PHACTR4: variants seen among roughly 807,000 people sequenced by gnomAD.
PHACTR4 encodes the protein protein phosphatase 1, regulatory subunit 124.
A neutral mutation model predicts 72.7 loss-of-function variants in PHACTR4; 51 were observed. The observed-to-expected ratio is 0.70, with a 90% confidence interval of 0.56 to 0.89. The LOEUF (loss-of-function observed/expected upper bound fraction) is 0.89, where lower values mean the gene tolerates loss of function less well. Among genes scored for constraint, PHACTR4 ranks in the 40% least tolerant of loss-of-function variants. The pLI, the probability that PHACTR4 is intolerant of heterozygous loss-of-function variation, is 0.00. For synonymous variants in PHACTR4, 255 were observed against 302.5 expected (o/e 0.84, Z 1.63); for missense variants, 731 against 861.8 (o/e 0.85, Z 1.90).
intron 1 of PHACTR4, among the ~76,000 whole-genome samples, chr1:28,395,385 T>C (rs1048228059): frequency 5.3e-5 from 8 of 152,174 alleles, no homozygotes; most frequent in Non-Finnish European, 8.8e-5. Flanking sequence ...ATTAATGTCC[T>C]TTATAACTCA....
intron 1 of PHACTR4, among the ~76,000 whole-genome samples, chr1:28,379,208 G>A (rs762752946): frequency 6.6e-6 from 1 of 151,874 alleles, no homozygotes; most frequent in Non-Finnish European, 1.5e-5. Context: ...TCCTGCCTGG[G>A]CCTCCCAAAG....
chr1:28,387,306 C>G (rs1469084625), intron 1 of PHACTR4, among the ~76,000 whole-genome samples: 1 of 151,828 alleles, frequency 6.6e-6, no homozygotes, highest in Non-Finnish European at 1.5e-5. Flanking sequence ...AGTTTTCCCC[C>G]TCCTCCAGTG....
chr1:28,434,377 A>G (rs1479887542), intron 2 of PHACTR4, among the ~76,000 whole-genome samples: 1 of 150,114 alleles, frequency 6.7e-6, no homozygotes, highest in Non-Finnish European at 1.5e-5. Flanking sequence ...GCTGGAATGC[A>G]GTAGCGCTAT....
At chr1:28,460,601 T>A (rs34918302) in intron 4 of PHACTR4, among the ~76,000 whole-genome samples, 15,777 of 152,002 alleles carry the variant, frequency 0.1, 1,893 homozygotes, top group African/African-American at 0.3. Flanking sequence ...CTCTGCCTCC[T>A]GGGTTCAAGC....
intron 1 of PHACTR4, among the ~76,000 whole-genome samples, chr1:28,378,482 GAC>G (rs1471731310): frequency 6.6e-6 from 1 of 151,444 alleles, no homozygotes; most frequent in East Asian, 1.9e-4. Context: ...CAGCCTGGGT[GAC>G]AGAGTGAGAC....
At chr1:28,427,172 T>C (rs183525100) in intron 2 of PHACTR4, among the ~76,000 whole-genome samples, 154 of 152,342 alleles carry the variant, frequency 1.0e-3, no homozygotes, top group African/African-American at 3.3e-3. Context: ...GTAATTCTTA[T>C]TTACTTTTAG....
At chr1:28,486,995 A>G (rs1660686796) in intron 9 of PHACTR4, among the ~76,000 whole-genome samples, 2 of 152,062 alleles carry the variant, frequency 1.3e-5, no homozygotes, top group East Asian at 1.9e-4. Context: ...AAACTCCATC[A>G]CTACCAAAAA....
At chr1:28,413,440 GT>G (rs769328333) in intron 2 of PHACTR4, among the ~76,000 whole-genome samples, 11 of 152,112 alleles carry the variant, frequency 7.2e-5, no homozygotes, top group Non-Finnish European at 1.5e-4. Flanking sequence ...CTTCTTTCCT[GT>G]GTTAGCTCCT....
chr1:28,471,637 A>C (rs540521298), intron 6 of PHACTR4, among the ~76,000 whole-genome samples: 122 of 152,162 alleles, frequency 8.0e-4, no homozygotes, highest in Middle Eastern at 3.4e-3. Flanking sequence ...GGAGCCCTCC[A>C]AAGGGACTTT....
At chr1:28,450,826 T>TTG (rs915456326) in intron 2 of PHACTR4, among the ~76,000 whole-genome samples, 46 of 151,722 alleles carry the variant, frequency 3.0e-4, no homozygotes, top group Middle Eastern at 3.4e-3. Flanking sequence ...TTGTTTTGTT[T>TTG]TTGAGAGGGA....
chr1:28,441,090 CT>C (rs796258634), intron 2 of PHACTR4, among the ~76,000 whole-genome samples: 59 of 152,162 alleles, frequency 3.9e-4, no homozygotes, highest in African/African-American at 1.3e-3. Flanking sequence ...ATAGAGGCCC[CT>C]ATGTAGATAT....
chr1:28,417,398 ATAAC>A (rs1376791777), intron 2 of PHACTR4, among the ~76,000 whole-genome samples: 3 of 152,226 alleles, frequency 2.0e-5, no homozygotes, highest in Non-Finnish European at 1.5e-5. Context: ...TTTAATAACA[ATAAC>A]TAATAATAAA....
chr1:28,441,166 C>T (rs1656998469), intron 2 of PHACTR4, among the ~76,000 whole-genome samples: 1 of 151,932 alleles, frequency 6.6e-6, no homozygotes, highest in African/African-American at 2.4e-5. Context: ...GAAAAAGTAT[C>T]CAAAATATTT....
intron 6 of PHACTR4, 51 bp downstream of exon 6, chr1:28,466,819 T>G (rs1553200034): frequency 6.5e-7 from 1 of 1,546,810 alleles, no homozygotes; most frequent in African/African-American, 1.4e-5. Context: ...TGATGTTGGA[T>G]GGTTATTTTA....
intron 2 of PHACTR4, chr1:28,453,449 A>T (rs1019489329): frequency 1.2e-5 from 4 of 321,684 alleles, no homozygotes; most frequent in African/African-American, 8.6e-5. Flanking sequence ...GAATCGCCTG[A>T]TGTGATGCAT....
At chr1:28,391,854 G>A (rs1166642221) in intron 1 of PHACTR4, among the ~76,000 whole-genome samples, 4 of 152,014 alleles carry the variant, frequency 2.6e-5, no homozygotes, top group African/African-American at 9.7e-5. Context: ...TGATCTGCCT[G>A]CCTAAGCCTC....
At chr1:28,439,630 A>G (rs748280754) in intron 2 of PHACTR4, among the ~76,000 whole-genome samples, 3 of 152,242 alleles carry the variant, frequency 2.0e-5, no homozygotes, top group African/African-American at 4.8e-5. Context: ...AGAAAAAGGT[A>G]TAAAGAAAAA....
At chr1:28,376,595 C>T (rs942347084) in intron 1 of PHACTR4, among the ~76,000 whole-genome samples, 10 of 151,368 alleles carry the variant, frequency 6.6e-5, no homozygotes, top group Non-Finnish European at 8.8e-5. Flanking sequence ...TCCCAAAGTG[C>T]TGGGATTACA....
At chr1:28,462,200 G>T (rs561173695) in intron 4 of PHACTR4, among the ~76,000 whole-genome samples, 1 of 151,132 alleles carries the variant, frequency 6.6e-6, no homozygotes, top group Non-Finnish European at 1.5e-5. Flanking sequence ...TAGAGTTGGG[G>T]TTTTCACCAT....
Sources: allele counts gnomAD v4.1 joint callset (sites outside exome capture counted in the v4.1 genomes callset), GRCh38; gene constraint gnomAD v4.1.1; transcripts MANE v1.5; gene names NCBI Gene and HGNC (gene_info 2026-07-23, HGNC 2026-07-21).